CPLANE1: variants seen among roughly 807,000 people sequenced by gnomAD.
The protein encoded by CPLANE1 is ciliogenesis and planar polarity effector complex subunit 1.
Under a neutral mutation model 362.5 loss-of-function variants are expected in CPLANE1, and 263 were observed. The ratio of observed to expected loss-of-function variants is 0.73; its 90% CI spans 0.66 to 0.80. The LOEUF is 0.80. Among genes scored for constraint, CPLANE1 ranks in the 30% least tolerant of loss-of-function variants. The probability of loss-of-function intolerance (pLI) is 0.00; values close to 1 mark genes in which losing one functional copy is unlikely to be tolerated. For synonymous variants in CPLANE1, 1,212 were observed against 1,302.6 expected (o/e 0.93, Z 1.50); for missense variants, 3,461 against 3,793.4 (o/e 0.91, Z 2.30).
chr5:37,198,641 T>A, intron 20 of CPLANE1, 61 bp downstream of exon 20: 1 of 1,448,588 alleles, frequency 6.9e-7, no homozygotes, highest in African/African-American at 1.4e-5. Flanking sequence ...ATAAAAACAA[T>A]AATATAAATA....
At chr5:37,120,176 G>C in intron 50 of CPLANE1, 40 bp downstream of exon 50, 1 of 1,580,908 alleles carries the variant, frequency 6.3e-7, no homozygotes. Context: ...GAAGGAATAG[G>C]TCCAAATCAG....
At position 37,224,561 on chromosome 5, in the gene CPLANE1, T is replaced by C. The variant is rs796385626; in HGVS notation, c.2471A>G (p.Asn824Ser). Residue 824 changes from asparagine (N) to serine (S), a missense_variant, in exon 13 of 53, where the codon AAT (asparagine) becomes AGT (serine). By Grantham distance (46) the Asn-to-Ser change is conservative. This residue lies in a region of CPLANE1 where 3,380 missense variants were observed against 3,666.1 expected (regional missense o/e 0.92). Coordinates refer to ENST00000651892, the MANE Select transcript of CPLANE1 (RefSeq NM_001384732.1). ...ANLQSTGDCL[N>S]QTLELKSING... ...GATAGATTTAAGTTCTAAGGTTTGA[T>C]TCAAGCAATCTCCAGTACTCTGTAG... is the stretch of plus-strand genomic sequence containing the variant. 1.9e-6 allele frequency: 3 copies of C among 1,551,260 alleles called. No individual in the cohort carries two copies. The African/African-American group carries it at 4.1e-5, about 21-fold the overall frequency.
chr5:37,186,321 G>A lies in CPLANE1; in HGVS notation c.4154C>T (p.Ser1385Phe). Residue 1385 changes from serine (S) to phenylalanine (F), a missense_variant, in exon 24 of 53, where the codon TCT (serine) becomes TTT (phenylalanine). Coordinates refer to ENST00000651892, the MANE Select transcript of CPLANE1 (RefSeq NM_001384732.1). ...ACAGTGTCTGAGTCTCTGGTGAAGA[G>A]AGTGATATTTGTCTCTTAAAGGAAC... ...VRVPLRDKYH[S>F]LHQRLRHCVV... 1.3e-6 allele frequency: 2 copies of A among 1,594,990 alleles called. No homozygotes were observed. The highest frequency in any genetic ancestry group is 1.7e-6 in the Non-Finnish European group (2 of 1,162,792).
chr5:37,227,424 G>A, intron 10 of CPLANE1, 32 bp from the exon 11 acceptor site: 2 of 1,512,260 alleles, frequency 1.3e-6, no homozygotes, highest in Non-Finnish European at 1.8e-6. Context: ...ATTTCCAAGA[G>A]CAAAATGTTA....
chr5:37,085,779 G>A, the CPLANE1 span: 25 of 1,446,408 alleles, frequency 1.7e-5, no homozygotes, highest in East Asian at 2.0e-4. Context: ...TCTCTTCCCC[G>A]AGGAAAGGGT....
At chr5:37,110,671 T>A (rs1758919020) in intron 51 of CPLANE1, among the ~76,000 whole-genome samples, 5 of 152,150 alleles carry the variant, frequency 3.3e-5, no homozygotes, top group Non-Finnish European at 7.4e-5. Context: ...GTGAATACTC[T>A]TCCTGACAGT....
the CPLANE1 span, among the ~76,000 whole-genome samples, chr5:37,075,848 CA>C: frequency 6.6e-6 from 1 of 152,016 alleles, no homozygotes; most frequent in South Asian, 2.1e-4. Flanking sequence ...GGCAGCCTAC[CA>C]AAAGAAAAAT....
At chr5:37,180,556 A>T (rs929326545) in intron 27 of CPLANE1, among the ~76,000 whole-genome samples, 2 of 152,200 alleles carry the variant, frequency 1.3e-5, no homozygotes, top group African/African-American at 4.8e-5. Flanking sequence ...TACTCCTAGC[A>T]TTGCTTCATA....
At chr5:37,106,041 G>A (rs1437677750), downstream of CPLANE1, among the ~76,000 whole-genome samples, 1 of 152,032 alleles carries the variant, frequency 6.6e-6, no homozygotes, top group Non-Finnish European at 1.5e-5. Context: ...GCAAAAGATG[G>A]AAAATAAATG....
chr5:37,148,578 A>G (rs992988080), intron 42 of CPLANE1, among the ~76,000 whole-genome samples: 7 of 152,212 alleles, frequency 4.6e-5, no homozygotes, highest in East Asian at 1.9e-4. Context: ...GAGAGATTCA[A>G]TGACTTTTTT....
intron 38 of CPLANE1, among the ~76,000 whole-genome samples, chr5:37,160,820 T>C (rs994242951): frequency 6.6e-6 from 1 of 151,680 alleles, no homozygotes; most frequent in Non-Finnish European, 1.5e-5. Flanking sequence ...TACAGGCGCC[T>C]GCCACCACAC....
chr5:37,219,528 A>C (rs995784818), intron 15 of CPLANE1, among the ~76,000 whole-genome samples: 5 of 150,444 alleles, frequency 3.3e-5, no homozygotes, highest in Non-Finnish European at 1.5e-5. Flanking sequence ...ACTCCATCTC[A>C]AAAAAAAAGA....
chr5:37,088,794 C>G, the CPLANE1 span, among the ~76,000 whole-genome samples: 1 of 152,072 alleles, frequency 6.6e-6, no homozygotes, highest in African/African-American at 2.4e-5. Flanking sequence ...AGGGTTGCAA[C>G]CGGGATCTGG....
the CPLANE1 span, among the ~76,000 whole-genome samples, chr5:37,101,129 G>C: frequency 6.6e-6 from 1 of 152,136 alleles, no homozygotes; most frequent in Non-Finnish European, 1.5e-5. Flanking sequence ...TCCCTGGCCA[G>C]AATTTCCAAT....
intron 21 of CPLANE1, among the ~76,000 whole-genome samples, chr5:37,193,883 G>A (rs1001378378): frequency 3.3e-5 from 5 of 151,092 alleles, no homozygotes; most frequent in Non-Finnish European, 7.4e-5. Flanking sequence ...GAGATTACAG[G>A]CATAAGCCAC....
At chr5:37,085,534 A>G in the CPLANE1 span, 1 of 813,896 alleles carries the variant, frequency 1.2e-6, no homozygotes, top group Non-Finnish European at 2.2e-6. Context: ...GATACCATTC[A>G]GACTGATTTG....
Position 37,247,714 on chromosome 5 carries a change from A to G in CPLANE1, c.-16T>C. ...TTATCTCCATGTTTGTTAAGCTATC[A>G]ATGACCAATTAAGTAAAACAGTCCC... On this transcript the variant is annotated 5_prime_UTR_variant, in exon 2 of 53. Transcript: ENST00000651892. 1 of 1,539,198 alleles carries G rather than the reference A, an allele frequency of 6.5e-7. No individual in the cohort carries two copies.
intron 50 of CPLANE1, among the ~76,000 whole-genome samples, chr5:37,117,795 G>A (rs944442530): frequency 6.6e-6 from 1 of 152,338 alleles, no homozygotes; most frequent in Admixed American, 6.5e-5. Context: ...ATCCAGCAAG[G>A]GCAGGTGAGA....
intron 46 of CPLANE1, among the ~76,000 whole-genome samples, chr5:37,129,656 C>T (rs35151340): frequency 0.18 from 27,143 of 152,090 alleles, 2,863 homozygotes; most frequent in East Asian, 0.35. Context: ...TGCTCAACAT[C>T]GCTAATGATC....
Sources: allele counts gnomAD v4.1 joint callset (sites outside exome capture counted in the v4.1 genomes callset), GRCh38; gene constraint gnomAD v4.1.1; regional missense constraint gnomAD v4.1.1; transcripts MANE v1.5; gene names NCBI Gene and HGNC (gene_info 2026-07-23, HGNC 2026-07-21).